Variants in CNGA1 observed in about 807,000 individuals in gnomAD.
The protein encoded by CNGA1 is cyclic nucleotide-gated channel alpha-1.
A neutral mutation model predicts 69.7 loss-of-function variants in CNGA1; 53 were observed. That is an observed-to-expected ratio of 0.76 (90% CI 0.61 to 0.96). The LOEUF (loss-of-function observed/expected upper bound fraction) is 0.96, where lower values mean the gene tolerates loss of function less well. Among genes scored for constraint, CNGA1 ranks in the 40% least tolerant of loss-of-function variants. The pLI, the probability that CNGA1 is intolerant of heterozygous loss-of-function variation, is 0.00. For synonymous variants in CNGA1, 249 were observed against 283.5 expected (o/e 0.88, Z 1.22); for missense variants, 739 against 811.2 (o/e 0.91, Z 1.08).
At chr4:47,958,507 A>C (rs1027980080) in intron 3 of CNGA1, among the ~76,000 whole-genome samples, 25 of 152,084 alleles carry the variant, frequency 1.6e-4, no homozygotes, top group African/African-American at 5.3e-4. Context: ...GACTAATCCC[A>C]GCTACTTGGG....
Position 47,936,479 on chromosome 4 carries a change from G to GT in CNGA1, c.2002dup (p.Thr668AsnfsTer7). ...AGGTCCCTCAATACTTGAAAATTCT[G>GT]TGTCAATAAGCGGTTTCAGAAATTT... is the stretch of plus-strand genomic sequence containing the variant. On this transcript the variant is annotated frameshift_variant, in exon 11 of 11. Coordinates refer to ENST00000514170, the MANE Select transcript of CNGA1 (RefSeq NM_001379270.1). LOFTEE classifies it high-confidence loss of function. The GT allele has an allele frequency of 6.2e-7, 1 of 1,614,162 alleles. No individual in the cohort carries two copies. Among genetic ancestry groups the GT allele is most frequent in the Non-Finnish European group, 8.5e-7 (1 of 1,180,022 alleles).
At chr4:47,941,155 G>C (rs148714106) in intron 9 of CNGA1, among the ~76,000 whole-genome samples, 1 of 152,264 alleles carries the variant, frequency 6.6e-6, no homozygotes, top group East Asian at 1.9e-4. Context: ...TATACAGTAA[G>C]ACAGAAGGAA....
chr4:47,977,505 T>C (rs1159415955), intron 3 of CNGA1, among the ~76,000 whole-genome samples: 1 of 152,156 alleles, frequency 6.6e-6, no homozygotes, highest in Non-Finnish European at 1.5e-5. Context: ...AATTAGGATG[T>C]CTGAGTGCTC....
At chr4:48,004,581 A>C (rs928664624) in intron 2 of CNGA1, among the ~76,000 whole-genome samples, 6 of 152,156 alleles carry the variant, frequency 3.9e-5, no homozygotes, top group Non-Finnish European at 7.3e-5. Context: ...GTAGGTCCCA[A>C]GTTATTTAGG....
chr4:47,957,004 G>T (rs982002211), intron 3 of CNGA1, among the ~76,000 whole-genome samples: 1 of 151,938 alleles, frequency 6.6e-6, no homozygotes, highest in African/African-American at 2.4e-5. Context: ...CACAATCTTG[G>T]TTCACTGCAA....
intron 1 of CNGA1, among the ~76,000 whole-genome samples, chr4:48,014,174 T>G (rs1473837619): frequency 6.6e-6 from 1 of 152,208 alleles, no homozygotes; most frequent in Non-Finnish European, 1.5e-5. Context: ...TGGAGATTTT[T>G]TTAATGCTCT....
intron 3 of CNGA1, among the ~76,000 whole-genome samples, chr4:47,974,093 TAG>T (rs2110203001): frequency 1.3e-5 from 2 of 151,514 alleles, no homozygotes; most frequent in East Asian, 4.0e-4. Context: ...GATAGATAGA[TAG>T]ATAGATAGAT....
intron 2 of CNGA1, among the ~76,000 whole-genome samples, chr4:47,992,484 A>T (rs549407453): frequency 5.3e-5 from 8 of 152,094 alleles, no homozygotes; most frequent in African/African-American, 1.4e-4. Flanking sequence ...CTGTTGGTGC[A>T]TAGCAGAGCT....
At chr4:47,940,923 G>A (rs1739037731) in intron 9 of CNGA1, 54 bp from the exon 10 acceptor site, 2 of 1,162,766 alleles carry the variant, frequency 1.7e-6, no homozygotes, top group Non-Finnish European at 2.6e-6. Context: ...GCCAATTTAA[G>A]TAAAAGTTCT....
chr4:47,970,091 A>C (rs1740935529), intron 3 of CNGA1, among the ~76,000 whole-genome samples: 1 of 152,152 alleles, frequency 6.6e-6, no homozygotes. Context: ...ACTATTTACA[A>C]AGATGTTAGT....
chr4:47,981,061 A>G (rs1741684410), intron 3 of CNGA1, among the ~76,000 whole-genome samples: 1 of 152,230 alleles, frequency 6.6e-6, no homozygotes, highest in Non-Finnish European at 1.5e-5. Context: ...CAAATTTTAG[A>G]AAGAAAAATC....
At chr4:47,977,164 G>A (rs111871681) in intron 3 of CNGA1, among the ~76,000 whole-genome samples, 1 of 152,168 alleles carries the variant, frequency 6.6e-6, no homozygotes, top group Non-Finnish European at 1.5e-5. Context: ...AGAATGTGAC[G>A]GTTTTTGGAG....
intron 2 of CNGA1, among the ~76,000 whole-genome samples, chr4:48,003,865 C>A (rs1347825949): frequency 6.6e-6 from 1 of 152,138 alleles, no homozygotes; most frequent in Non-Finnish European, 1.5e-5. Flanking sequence ...AGGAAAAACA[C>A]CTGCTACTTA....
At position 47,940,880 on chromosome 4, in the gene CNGA1, A is replaced by G. The variant is rs747807986; in HGVS notation, c.546-11T>C. On this transcript the variant is annotated splice_polypyrimidine_tract_variant and intron_variant, in intron 9 of 10. Transcript: ENST00000514170. ...TCATCAAAACATGCTCTATAAAAAA[A>G]GAAACACTTGTATAAATAAAAAAGA... The G allele has an allele frequency of 1.9e-6, 3 of 1,545,358 alleles. No homozygotes were observed. Among genetic ancestry groups the G allele is most frequent in the African/African-American group, 2.7e-5 (2 of 73,432 alleles).
At chr4:48,000,734 G>T (rs1489328202) in intron 2 of CNGA1, among the ~76,000 whole-genome samples, 1 of 54,158 alleles carries the variant, frequency 1.8e-5, no homozygotes, top group African/African-American at 5.0e-5. Flanking sequence ...ACATACAGTG[G>T]GGGAAGCGGG....
chr4:47,974,750 G>A (rs576303650), intron 3 of CNGA1, among the ~76,000 whole-genome samples: 1 of 148,300 alleles, frequency 6.7e-6, no homozygotes, highest in Non-Finnish European at 1.5e-5. Context: ...TCAGCAAGTT[G>A]TGTAACTTCT....
intron 6 of CNGA1, among the ~76,000 whole-genome samples, chr4:47,945,115 C>A (rs1237469366): frequency 6.6e-6 from 1 of 152,076 alleles, no homozygotes; most frequent in Non-Finnish European, 1.5e-5. Context: ...ATAATCTCAG[C>A]ACTTTGGGAG....
chr4:47,945,632 G>A (rs552869873), intron 6 of CNGA1, among the ~76,000 whole-genome samples: 38 of 152,274 alleles, frequency 2.5e-4, no homozygotes, highest in African/African-American at 9.1e-4. Context: ...CCACTACTAT[G>A]TGATCATTTC....
rs186672229 is a variant in CNGA1 at position 48,013,272 on chromosome 4, C to A, written c.-222-2379G>T. Among the ~76,000 whole-genome samples, 56 of 152,284 alleles carry A rather than the reference C, an allele frequency of 3.7e-4. No homozygotes were observed. The East Asian group carries it at 9.8e-3, about 27-fold the overall frequency. On this transcript the variant is annotated intron_variant, in intron 1 of 10. Transcript: ENST00000514170. ...CCCTCTGTGGTTACCAAAATGTGAACCCCAAAAATTTGAGACAGGTCTCAG... is the reference window on the plus strand; with the variant it reads ...CCCTCTGTGGTTACCAAAATGTGAAACCCAAAAATTTGAGACAGGTCTCAG...
Sources: allele counts gnomAD v4.1 joint callset (sites outside exome capture counted in the v4.1 genomes callset), GRCh38; gene constraint gnomAD v4.1.1; transcripts MANE v1.5; gene names NCBI Gene and HGNC (gene_info 2026-07-23, HGNC 2026-07-21).